Variants in SPATA31H1 observed in about 807,000 individuals in gnomAD.
SPATA31H1 encodes spermatogenesis-associated protein 31H1.
the SPATA31H1 span, chr2:27,579,018 C>G: frequency 1.9e-6 from 3 of 1,614,128 alleles, no homozygotes; most frequent in Non-Finnish European, 2.5e-6. Flanking sequence ...TCCTGAGATT[C>G]TAGGAGTGGA....
At chr2:27,571,956 G>A in the SPATA31H1 span, 2 of 398,326 alleles carry the variant, frequency 5.0e-6, no homozygotes, top group African/African-American at 4.1e-5. Flanking sequence ...TGAACAGGAT[G>A]GTCAGATATC....
chr2:27,579,198 G>A, the SPATA31H1 span: 14 of 1,614,212 alleles, frequency 8.7e-6, no homozygotes, highest in Non-Finnish European at 1.1e-5. Flanking sequence ...CAATGTCTGG[G>A]AGAGTCATGC....
chr2:27,563,726 A>T, the SPATA31H1 span, among the ~76,000 whole-genome samples: 1 of 151,424 alleles, frequency 6.6e-6, no homozygotes, highest in South Asian at 2.1e-4. Flanking sequence ...TGCCTGGCTA[A>T]TTTTTTGTAT....
chr2:27,576,190 T>A, the SPATA31H1 span: 1 of 404,330 alleles, frequency 2.5e-6, no homozygotes, highest in South Asian at 1.2e-4. Context: ...TTTCAAGTTA[T>A]GAAATTTTCT....
the SPATA31H1 span, chr2:27,568,951 T>C: frequency 3.5e-5 from 14 of 398,748 alleles, no homozygotes; most frequent in East Asian, 3.9e-4. Flanking sequence ...TTAGAGATGA[T>C]CTCCGGACCA....
At chr2:27,560,665 G>T in the SPATA31H1 span, among the ~76,000 whole-genome samples, 1 of 152,084 alleles carries the variant, frequency 6.6e-6, no homozygotes, top group Admixed American at 6.5e-5. Context: ...CACTGTGTTA[G>T]CCAGGATGGT....
At chr2:27,571,008 G>A in the SPATA31H1 span, 7 of 398,600 alleles carry the variant, frequency 1.8e-5, no homozygotes, top group East Asian at 3.6e-5. Context: ...GTTACAAAAC[G>A]TAAATCCTGT....
chr2:27,556,511 C>T, the SPATA31H1 span, among the ~76,000 whole-genome samples: 1 of 151,514 alleles, frequency 6.6e-6, no homozygotes, highest in East Asian at 1.9e-4. Flanking sequence ...TTCCATGCTT[C>T]ATTATGGATA....
At chr2:27,582,239 C>T in the SPATA31H1 span, 23 of 1,612,642 alleles carry the variant, frequency 1.4e-5, no homozygotes, top group South Asian at 6.6e-5. Context: ...GCAGTCCCTC[C>T]GGGATGAGGC....
the SPATA31H1 span, chr2:27,566,090 C>G: frequency 1.4e-6 from 1 of 717,508 alleles, no homozygotes; most frequent in Non-Finnish European, 2.6e-6. Context: ...CTGAAGCTAA[C>G]CTGACATGGT....
At chr2:27,556,126 C>T in the SPATA31H1 span, among the ~76,000 whole-genome samples, 1 of 123,114 alleles carries the variant, frequency 8.1e-6, no homozygotes, top group Non-Finnish European at 1.6e-5. Context: ...CTGGACAAGA[C>T]TCCATCTCAA....
At chr2:27,548,584 G>A in the SPATA31H1 span, among the ~76,000 whole-genome samples, 1 of 148,986 alleles carries the variant, frequency 6.7e-6, no homozygotes, top group African/African-American at 2.5e-5. Flanking sequence ...CTCCAGCTTG[G>A]GTGACGGAGC....
the SPATA31H1 span, chr2:27,566,240 G>T: frequency 1.4e-6 from 1 of 711,350 alleles, no homozygotes; most frequent in South Asian, 1.5e-5. Context: ...TTTCCTTACT[G>T]GTACTTTAAT....
chr2:27,572,782 C>T, the SPATA31H1 span: 4 of 397,398 alleles, frequency 1.0e-5, no homozygotes, highest in Non-Finnish European at 1.8e-5. Context: ...TCCATAGAGT[C>T]AGGAGGTGTA....
the SPATA31H1 span, chr2:27,573,377 T>C: frequency 3.5e-5 from 14 of 398,400 alleles, no homozygotes; most frequent in African/African-American, 2.9e-4. Context: ...AGTTCCAAGG[T>C]GTGAAATCTG....
chr2:27,543,281 AT>A, the SPATA31H1 span, among the ~76,000 whole-genome samples: 2,914 of 152,088 alleles, frequency 0.019, 139 homozygotes, highest in African/African-American at 0.067. Flanking sequence ...CTTAAAAAGC[AT>A]TTTGTCCGTT....
the SPATA31H1 span, chr2:27,579,014 G>C: frequency 6.2e-7 from 1 of 1,614,160 alleles, no homozygotes; most frequent in South Asian, 1.1e-5. Context: ...CATGTCCTGA[G>C]ATTCTAGGAG....
the SPATA31H1 span, among the ~76,000 whole-genome samples, chr2:27,551,368 C>T: frequency 2.0e-5 from 3 of 151,984 alleles, no homozygotes; most frequent in African/African-American, 7.3e-5. Context: ...TTTTTCACCT[C>T]GTTATATGAG....
chr2:27,548,481 G>A, the SPATA31H1 span, among the ~76,000 whole-genome samples: 23 of 151,348 alleles, frequency 1.5e-4, no homozygotes, highest in African/African-American at 4.9e-4. Flanking sequence ...GGTGGTGTGC[G>A]CCTGTGGTCC....
Sources: gnomAD v4.1 joint callset for allele counts (sites outside exome capture counted in the v4.1 genomes callset) on GRCh38, gnomAD v4.1.1 for gene constraint, MANE v1.5 for transcripts, NCBI Gene and HGNC (gene_info 2026-07-23, HGNC 2026-07-21) for gene names.